The following B3GAT2 variants were observed in gnomAD, a reference collection of about 807,000 sequenced individuals.
B3GAT2 encodes galactosylgalactosylxylosylprotein 3-beta-glucuronosyltransferase 2.
In B3GAT2, 26 loss-of-function variants were observed where a neutral mutation model predicts 27.8. The observed-to-expected ratio is 0.93, with a 90% CI of 0.68 to 1.30. B3GAT2 has a LOEUF of 1.30. B3GAT2 is among the 50% of genes most tolerant of loss of function. B3GAT2 has a pLI of 0.00. For synonymous variants in B3GAT2, 218 were observed against 195.1 expected, an observed-to-expected ratio of 1.12 and a Z score of -0.98; for missense variants, 458 against 459.0, an observed-to-expected ratio of 1.00 and a Z score of 0.02.
At chr6:70,948,321 T>C (rs1054026932) in intron 1 of B3GAT2, among the ~76,000 whole-genome samples, 3 of 145,914 alleles carry the variant, frequency 2.1e-5, no homozygotes, top group East Asian at 2.0e-4. Flanking sequence ...TGGTTGTATA[T>C]CTAGAAAACC....
At chr6:70,904,538 A>C (rs548014077) in intron 1 of B3GAT2, among the ~76,000 whole-genome samples, 2 of 152,208 alleles carry the variant, frequency 1.3e-5, no homozygotes, top group African/African-American at 4.8e-5. Flanking sequence ...CAGGTCTGAC[A>C]CACGTCCAGA....
intron 1 of B3GAT2, among the ~76,000 whole-genome samples, chr6:70,899,920 T>C (rs1049829899): frequency 6.6e-6 from 1 of 152,256 alleles, no homozygotes; most frequent in Non-Finnish European, 1.5e-5. Flanking sequence ...AAAGCTTTGC[T>C]ACTTTCTCAA....
In B3GAT2 at chr6:70,857,628, G is replaced by C. The variant is rs1771487174; in HGVS notation, c.*4035C>G. 2.6e-6 allele frequency: 1 copy of C among 382,786 alleles called. No homozygotes were observed. The highest frequency in any genetic ancestry group is 4.8e-6 in the Non-Finnish European group (1 of 207,682). The allele number at this position is 382,786 out of a possible 1,614,324, so 23.7% of individuals were successfully genotyped here. ...ACAAATCAGCAATAAAACAGTGTAT[G>C]ATGTCATGCTACATAGTTTGGTCTT... is the stretch of plus-strand genomic sequence containing the variant. On this transcript the variant is annotated 3_prime_UTR_variant, in exon 4 of 4. Transcript: ENST00000230053.
chr6:70,908,536 A>C lies in B3GAT2; in HGVS notation c.592-14264T>G, dbSNP rs193300847. Among the ~76,000 whole-genome samples, 4 of 152,256 alleles carry C rather than the reference A, an allele frequency of 2.6e-5. No homozygotes were observed. The South Asian group carries it at 8.3e-4, about 32-fold the overall frequency. On this transcript the variant is annotated intron_variant, in intron 1 of 3. Transcript: ENST00000230053. ...TAGAAGCAGTAGACTAGAGGTATAC[A>C]TAGCAATATAAATAAACCTCAAAAA...
At chr6:70,946,759 C>G (rs972831433) in intron 1 of B3GAT2, among the ~76,000 whole-genome samples, 2 of 151,956 alleles carry the variant, frequency 1.3e-5, no homozygotes, top group Non-Finnish European at 2.9e-5. Flanking sequence ...ACTCTCCACC[C>G]CAAATCAACA....
chr6:70,884,880 G>T (rs1218185581), intron 2 of B3GAT2, among the ~76,000 whole-genome samples: 1 of 152,214 alleles, frequency 6.6e-6, no homozygotes, highest in Non-Finnish European at 1.5e-5. Flanking sequence ...TGGGGTCAGG[G>T]TGATTACAGC....
intron 1 of B3GAT2, 106 bp downstream of exon 1, chr6:70,955,733 G>A: frequency 7.7e-7 from 1 of 1,292,648 alleles, no homozygotes; most frequent in Non-Finnish European, 1.0e-6. Context: ...GGAGAACTGA[G>A]AACTCAAAAG....
At chr6:70,947,761 G>T (rs576767600) in intron 1 of B3GAT2, among the ~76,000 whole-genome samples, 3 of 151,746 alleles carry the variant, frequency 2.0e-5, no homozygotes, top group Admixed American at 1.3e-4. Context: ...TACCAAAGCC[G>T]GGCAGAGACA....
intron 1 of B3GAT2, among the ~76,000 whole-genome samples, chr6:70,919,226 A>G (rs900914657): frequency 4.6e-5 from 7 of 152,120 alleles, no homozygotes; most frequent in Admixed American, 1.3e-4. Context: ...AAGTTCTTGT[A>G]CTATGGTTTT....
chr6:70,955,665 C>T (rs920375265), intron 1 of B3GAT2, among the ~76,000 whole-genome samples, 174 bp downstream of exon 1: 5 of 152,224 alleles, frequency 3.3e-5, no homozygotes, highest in African/African-American at 9.6e-5. Flanking sequence ...CCACGGCCAG[C>T]GGAGGCTGCG....
chr6:70,923,706 C>G (rs1772908411), intron 1 of B3GAT2, among the ~76,000 whole-genome samples: 1 of 152,154 alleles, frequency 6.6e-6, no homozygotes, highest in African/African-American at 2.4e-5. Flanking sequence ...AAACATCTCA[C>G]AGGTAGACAA....
rs748304217 is a variant in B3GAT2, at chr6:70,956,245, C to G, written c.185G>C (p.Gly62Ala). The change falls in exon 1 of 4, where the codon GGG becomes GCG. Residue 62 changes from glycine (G) to alanine (A), a missense_variant. Coordinates refer to ENST00000230053, the MANE Select transcript of B3GAT2 (RefSeq NM_080742.3). Reference sequence around the variant, plus strand: ...CCGAGACTGGTTGCGCTTTTGGGTCCCGTGAGCCGGGCCGCCCCTGCGGAG... The same window carrying G: ...CCGAGACTGGTTGCGCTTTTGGGTCGCGTGAGCCGGGCCGCCCCTGCGGAG... ...LPLRRGGPAHGTQKRNQSRPQ... is the reference protein window; with the variant it reads ...LPLRRGGPAHATQKRNQSRPQ... 3 of 1,611,838 alleles carry G rather than the reference C, an allele frequency of 1.9e-6. No homozygotes were observed. The East Asian group carries it at 6.7e-5, about 36-fold the overall frequency.
intron 2 of B3GAT2, among the ~76,000 whole-genome samples, chr6:70,880,329 C>A (rs1287231302): frequency 3.3e-5 from 5 of 152,062 alleles, no homozygotes; most frequent in African/African-American, 1.2e-4. Flanking sequence ...TCACAGTGAC[C>A]CCACTAGGTA....
chr6:70,944,792 C>A lies in B3GAT2; in HGVS notation c.591+11047G>T, dbSNP rs1349045266. On this transcript the variant is annotated intron_variant, in intron 1 of 3. Transcript: ENST00000230053. ...CCTCAAGTGGGTCCCTGACCCCTGA[C>A]CCCCGAGCAGCCTAACTGGGAGGCA... Among the ~76,000 whole-genome samples, 3 of 152,322 alleles carry A rather than the reference C, an allele frequency of 2.0e-5. No homozygotes were observed. In the East Asian group the frequency reaches 5.8e-4, roughly 29 times the overall value.
rs2150055679 is a variant in B3GAT2, at chr6:70,956,924, C to T, written c.-495G>A. ...GCGGCGGCGCTGGGGGCTTTCCTTC[C>T]TCACATTCCCGCCGGGGTGGCGAGG... is the stretch of plus-strand genomic sequence containing the variant. On this transcript the variant is annotated 5_prime_UTR_variant, in exon 1 of 4. Coordinates refer to ENST00000230053, the MANE Select transcript of B3GAT2 (RefSeq NM_080742.3). The T allele has an allele frequency of 2.0e-6, 2 of 1,014,992 alleles. No individual in the cohort carries two copies. The highest frequency in any genetic ancestry group is 4.9e-4 in the Middle Eastern group (1 of 2,024). The allele number at this position is 1,014,992 out of a possible 1,614,324, so 62.9% of individuals were successfully genotyped here. A position where few individuals can be genotyped will look rare whatever the true frequency, so the allele number is the denominator to read the frequency against.
intron 1 of B3GAT2, among the ~76,000 whole-genome samples, chr6:70,903,763 G>C (rs186916165): frequency 1.3e-5 from 2 of 151,934 alleles, no homozygotes; most frequent in African/African-American, 4.8e-5. Flanking sequence ...TGACAATGTG[G>C]AATAATTAGG....
Position 70,926,508 on chromosome 6 carries a change from C to A in B3GAT2, c.591+29331G>T, listed in dbSNP as rs190599422. Among the ~76,000 whole-genome samples the A allele has an allele frequency of 5.7e-3, 869 of 152,242 alleles. 5 individuals carry two copies. Among genetic ancestry groups the A allele is most frequent in the Middle Eastern group, 0.041 (12 of 294 alleles). On this transcript the variant is annotated intron_variant, in intron 1 of 3. Transcript: ENST00000230053. ...GACCTGATGGAGCTGAAAACCATGG[C>A]ATGAGAAATACGTGACGAATGCACA...
chr6:70,895,495 A>ATTTTT (rs59066944), intron 1 of B3GAT2, among the ~76,000 whole-genome samples: 25 of 76,612 alleles, frequency 3.3e-4, no homozygotes, highest in South Asian at 2.1e-3. Flanking sequence ...CAAAAAGGGG[A>ATTTTT]TTTTTTTTTT....
In B3GAT2 at chr6:70,956,253, C is replaced by G. The variant is rs773616950; in HGVS notation, c.177G>C (p.Pro59=). The change falls in exon 1 of 4, where the codon CCG becomes CCC. Residue 59 remains proline, a synonymous_variant. Transcript: ENST00000230053. ...GARLPLRRGG[P]AHGTQKRNQS... is the part of the protein sequence containing the mutation. ...GGTTGCGCTTTTGGGTCCCGTGAGCCGGGCCGCCCCTGCGGAGCGGGAGTC... is the reference window on the plus strand; with the variant it reads ...GGTTGCGCTTTTGGGTCCCGTGAGCGGGGCCGCCCCTGCGGAGCGGGAGTC... 1.2e-6 allele frequency: 2 copies of G among 1,611,090 alleles called. No homozygotes were observed. Among genetic ancestry groups the G allele is most frequent in the Non-Finnish European group, 1.7e-6 (2 of 1,178,468 alleles).
Sources: allele counts gnomAD v4.1 joint callset (sites outside exome capture counted in the v4.1 genomes callset), GRCh38; gene constraint gnomAD v4.1.1; transcripts MANE v1.5; gene names NCBI Gene and HGNC (gene_info 2026-07-23, HGNC 2026-07-21).